The following SPAG5 variants were observed in gnomAD, a reference collection of about 807,000 sequenced individuals.
SPAG5 encodes sperm associated antigen 5.
Under a neutral mutation model 145.4 loss-of-function variants are expected in SPAG5, and 99 were observed. The observed-to-expected ratio is 0.68, with a 90% confidence interval of 0.58 to 0.80. The LOEUF (loss-of-function observed/expected upper bound fraction) is 0.80, where lower values mean the gene tolerates loss of function less well. Ranked by LOEUF, SPAG5 falls within the 30% of genes least tolerant of loss-of-function variation. SPAG5 has a pLI of 0.00. For synonymous variants in SPAG5, 477 were observed against 525.4 expected, an observed-to-expected ratio of 0.91 and a Z score of 1.26; for missense variants, 1,192 against 1,416.0, an observed-to-expected ratio of 0.84 and a Z score of 2.54.
At chr17:28,586,714 T>A (rs140240525) in intron 4 of SPAG5, among the ~76,000 whole-genome samples, 271 of 152,246 alleles carry the variant, frequency 1.8e-3, no homozygotes, top group African/African-American at 6.5e-3. Context: ...ATATTTTTAG[T>A]AGAGTCGGGG....
intron 22 of SPAG5, 55 bp from the exon 23 acceptor site, chr17:28,578,145 GACAGGGGAA>G: frequency 6.2e-7 from 1 of 1,608,994 alleles, no homozygotes; most frequent in Non-Finnish European, 8.5e-7. Flanking sequence ...AACTTGGTAG[GACAGGGGAA>G]ACATGGCGGG....
At chr17:28,595,700 G>C (rs2070659480) in intron 2 of SPAG5, among the ~76,000 whole-genome samples, 1 of 149,186 alleles carries the variant, frequency 6.7e-6, no homozygotes, top group Non-Finnish European at 1.5e-5. Flanking sequence ...AGTGAGCCGA[G>C]ATCACACCAC....
intron 15 of SPAG5, among the ~76,000 whole-genome samples, chr17:28,582,984 A>G (rs1231340956): frequency 6.6e-6 from 1 of 152,170 alleles, no homozygotes; most frequent in Non-Finnish European, 1.5e-5. Flanking sequence ...TGTGGGGGAA[A>G]GGGTTTCACT....
chr17:28,583,247 G>A (rs1263136458), intron 15 of SPAG5, among the ~76,000 whole-genome samples: 1 of 152,190 alleles, frequency 6.6e-6, no homozygotes, highest in Admixed American at 6.5e-5. Flanking sequence ...AGAATAGAAT[G>A]AATGTGGGAA....
Position 28,592,352 on chromosome 17 carries a change from A to AG in SPAG5, c.891dup (p.Ser298LeufsTer33). 1 of 1,614,124 alleles carries AG rather than the reference A, an allele frequency of 6.2e-7. No homozygotes were observed. Among genetic ancestry groups the AG allele is most frequent in the Non-Finnish European group, 8.5e-7 (1 of 1,180,022 alleles). On this transcript the variant is annotated frameshift_variant, in exon 3 of 24. Transcript: ENST00000321765. LOFTEE classifies it high-confidence loss of function. ...GTGGACAGAATATCTTCCACACTTG[A>AG]GACAAGTGCTTGATCTTCTGTTTCA...
Position 28,598,524 on chromosome 17 carries a change from T to G in SPAG5, c.163A>C (p.Lys55Gln). ...ACSSLTPSLC[K>Q]LGLQEGSNNS... ...GCGAATCTCACCTGCAGCCCCAGCT[T>G]GCACAGTGATGGGGTCAGCGAGGAG... Residue 55 changes from lysine (K) to glutamine (Q), a missense_variant, in exon 2 of 24, where the codon AAG (lysine) becomes CAG (glutamine). Lys to Gln is a moderately conservative substitution (Grantham distance 53, BLOSUM62 1). Around this residue, in one of 5 missense-constraint regions of SPAG5, gnomAD observed 329 missense variants for 354.0 expected, o/e 0.93. Transcript: ENST00000321765. 1 of 1,613,730 alleles carries G rather than the reference T, an allele frequency of 6.2e-7. No homozygotes were observed. The highest frequency in any genetic ancestry group is 8.5e-7 in the Non-Finnish European group (1 of 1,179,948).
At chr17:28,590,667 G>A (rs985175833) in intron 4 of SPAG5, among the ~76,000 whole-genome samples, 1 of 151,768 alleles carries the variant, frequency 6.6e-6, no homozygotes, top group Admixed American at 6.6e-5. Context: ...GCAGGAGTTC[G>A]AGACCAGCCT....
At chr17:28,581,799 C>T (rs2070550727) in intron 15 of SPAG5, among the ~76,000 whole-genome samples, 1 of 152,204 alleles carries the variant, frequency 6.6e-6, no homozygotes, top group African/African-American at 2.4e-5. Context: ...GCCCTCCCGT[C>T]TGGGTGTCTG....
chr17:28,595,426 A>G (rs2070656963), intron 2 of SPAG5, among the ~76,000 whole-genome samples: 1 of 152,156 alleles, frequency 6.6e-6, no homozygotes, highest in South Asian at 2.1e-4. Flanking sequence ...AAATGCTTCA[A>G]ACAATTAATA....
At chr17:28,590,791 C>T (rs1411613913) in intron 4 of SPAG5, among the ~76,000 whole-genome samples, 1 of 147,330 alleles carries the variant, frequency 6.8e-6, no homozygotes, top group East Asian at 2.0e-4. Context: ...ATCGCTTGAA[C>T]CTGGGAGGCA....
chr17:28,597,076 A>C (rs1248113132), intron 2 of SPAG5, among the ~76,000 whole-genome samples: 2 of 151,464 alleles, frequency 1.3e-5, no homozygotes, highest in African/African-American at 4.9e-5. Context: ...AACAAGAGCG[A>C]AACTCCATCT....
rs1265414155 is a variant in SPAG5, at chr17:28,594,374, T to A, written c.178-1308A>T. ...ACTTTGGGAGGCTGAGGCGGGCGGA[T>A]CACGAGGTCAGGAGATCGAGACCAT... On this transcript the variant is annotated intron_variant, in intron 2 of 23. Transcript: ENST00000321765. Among the ~76,000 whole-genome samples, 3 of 152,086 alleles carry A rather than the reference T, an allele frequency of 2.0e-5. No individual in the cohort carries two copies. The East Asian group carries it at 5.8e-4, about 29-fold the overall frequency.
chr17:28,585,007 AG>A (rs1312707310), intron 10 of SPAG5, 94 bp downstream of exon 10: 2 of 1,224,972 alleles, frequency 1.6e-6, no homozygotes, highest in African/African-American at 1.5e-5. Flanking sequence ...CCAAACCCAC[AG>A]GGTGAAAAGA....
At chr17:28,598,755 G>A (rs1357428180) in intron 1 of SPAG5, 120 bp from the exon 2 acceptor site, 23 of 1,512,878 alleles carry the variant, frequency 1.5e-5, no homozygotes, top group African/African-American at 2.8e-5. Flanking sequence ...CACCCTAGTC[G>A]CGCAGGAGCA....
chr17:28,598,581 G>C lies in SPAG5; in HGVS notation c.106C>G (p.Leu36Val). 2 of 1,613,592 alleles carry C rather than the reference G, an allele frequency of 1.2e-6. No individual in the cohort carries two copies. The change falls in exon 2 of 24, where the codon CTC becomes GTC. Residue 36 changes from leucine to valine, a missense_variant. Around this residue, in one of 5 missense-constraint regions of SPAG5, gnomAD observed 329 missense variants for 354.0 expected, o/e 0.93. Coordinates refer to ENST00000321765, the MANE Select transcript of SPAG5 (RefSeq NM_006461.4). ...GGGGATCTTTTTCCAGAGTTGGTGAGGGCACCGGGCTGCAGGGTAAGTTCA... is the reference window on the plus strand; with the variant it reads ...GGGGATCTTTTTCCAGAGTTGGTGACGGCACCGGGCTGCAGGGTAAGTTCA... ...LRELTLQPGA[L>V]TNSGKRSPAC...
intron 2 of SPAG5, among the ~76,000 whole-genome samples, chr17:28,598,298 A>T (rs1363562246): frequency 1.3e-5 from 2 of 152,226 alleles, no homozygotes; most frequent in Non-Finnish European, 2.9e-5. Flanking sequence ...AGGTAATAAA[A>T]ACTAACAGCT....
At chr17:28,594,215 G>C (rs900737100) in intron 2 of SPAG5, among the ~76,000 whole-genome samples, 2 of 152,134 alleles carry the variant, frequency 1.3e-5, no homozygotes, top group Non-Finnish European at 2.9e-5. Context: ...ATACATGCTA[G>C]ACACATAATT....
rs778830465 is a variant in SPAG5 at position 28,598,947 on chromosome 17, C to T, written c.-1G>A. 6.2e-7 allele frequency: 1 copy of T among 1,614,102 alleles called. No individual in the cohort carries two copies. Among genetic ancestry groups the T allele is most frequent in the Non-Finnish European group, 8.5e-7 (1 of 1,179,968 alleles). On this transcript the variant is annotated 5_prime_UTR_variant, in exon 1 of 24. Transcript: ENST00000321765. ...GGCTCAGTTTTTTCACTCGCCACATCTTCAACCAGAAGGCAGGCCTATCAC... is the reference window on the plus strand; with the variant it reads ...GGCTCAGTTTTTTCACTCGCCACATTTTCAACCAGAAGGCAGGCCTATCAC...
At chr17:28,580,162 T>G (rs1454587547) in intron 15 of SPAG5, 42 bp from the exon 16 acceptor site, 1 of 1,418,886 alleles carries the variant, frequency 7.0e-7, no homozygotes, top group Admixed American at 2.0e-5. Context: ...TCAGGTCTAG[T>G]GAACTCCTGG....
Sources: allele counts gnomAD v4.1 joint callset (sites outside exome capture counted in the v4.1 genomes callset), GRCh38; gene constraint gnomAD v4.1.1; regional missense constraint gnomAD v4.1.1; transcripts MANE v1.5; gene names NCBI Gene and HGNC (gene_info 2026-07-23, HGNC 2026-07-21).